DAGLA: variants seen among roughly 807,000 people sequenced by gnomAD.
DAGLA encodes diacylglycerol lipase-alpha.
DAGLA carries 22 observed loss-of-function variants against 102.6 expected under a neutral mutation model. The observed-to-expected ratio is 0.21, with a 90% confidence interval of 0.15 to 0.31. The LOEUF is 0.31. Among genes scored for constraint, DAGLA ranks in the 10% least tolerant of loss-of-function variants. The pLI is 1.00. For synonymous variants in DAGLA, 578 were observed against 628.9 expected, an observed-to-expected ratio of 0.92 and a Z score of 1.21; for missense variants, 927 against 1,446.6, an observed-to-expected ratio of 0.64 and a Z score of 5.83.
At chr11:61,702,669 T>A (rs1046578144) in intron 1 of DAGLA, among the ~76,000 whole-genome samples, 7 of 152,232 alleles carry the variant, frequency 4.6e-5, no homozygotes, top group African/African-American at 1.7e-4. Context: ...GGCTTCAGTC[T>A]CCTGGCTGCA....
chr11:61,739,691 G>C (rs754914470), intron 17 of DAGLA, 30 bp downstream of exon 17: 1 of 1,606,274 alleles, frequency 6.2e-7, no homozygotes, highest in Non-Finnish European at 8.5e-7. Context: ...GCTGCTGCAG[G>C]GGGTAGTGGC....
intron 17 of DAGLA, among the ~76,000 whole-genome samples, 196 bp downstream of exon 17, chr11:61,739,857 C>T (rs1163046343): frequency 2.0e-5 from 3 of 152,216 alleles, no homozygotes; most frequent in South Asian, 2.1e-4. Context: ...CTGAGCAGGA[C>T]TCCAGGCGTC....
At chr11:61,682,662 G>A (rs2064952212) in intron 1 of DAGLA, among the ~76,000 whole-genome samples, 1 of 152,230 alleles carries the variant, frequency 6.6e-6, no homozygotes, top group Non-Finnish European at 1.5e-5. Flanking sequence ...GGAAGACTTG[G>A]GAAGTGTGTG....
intron 15 of DAGLA, 86 bp downstream of exon 15, chr11:61,737,841 C>A (rs2135602136): frequency 8.5e-7 from 1 of 1,173,068 alleles, no homozygotes; most frequent in Non-Finnish European, 1.3e-6. Context: ...CCCCGCATCT[C>A]TCTCAGTCCG....
intron 6 of DAGLA, 150 bp from the exon 7 acceptor site, chr11:61,728,003 G>A: frequency 2.3e-6 from 2 of 854,942 alleles, no homozygotes; most frequent in Non-Finnish European, 3.7e-6. Context: ...GGCTCAGTGG[G>A]CGCTGTGGAG....
rs2065514240 is a variant in DAGLA at position 61,744,240 on chromosome 11, C to T, written c.2880C>T (p.Leu960=). 2 of 1,613,124 alleles carry T rather than the reference C, an allele frequency of 1.2e-6. No homozygotes were observed. The highest frequency in any genetic ancestry group is 1.7e-6 in the Non-Finnish European group (2 of 1,179,982). Residue 960 remains leucine (L), a synonymous_variant, in exon 20 of 20, where the codon CTC becomes CTT. Transcript: ENST00000257215. ...CCCCCAGCCAGCAAGAGATCCTGCT[C>T]CGTGCCCAGTTCGAGCCCAACCTGG... ...PKSPSQQEIL[L]RAQFEPNLVP...
rs770793670 is a variant in DAGLA, at chr11:61,743,622, G to A, written c.2262G>A (p.Pro754=). ...TTGCGGCGGCGGCCCGCCAGGACCC[G>A]GTGGAGCTGCTGCTGCTGTCTACCC... ...PVVAAAARQD[P]VELLLLSTQE... The change falls in exon 20 of 20, where the codon CCG becomes CCA. Residue 754 remains proline (P), a synonymous_variant. Transcript: ENST00000257215. The A allele has an allele frequency of 1.9e-5, 31 of 1,592,234 alleles. No individual in the cohort carries two copies. In the African/African-American group the frequency reaches 2.7e-4, roughly 14 times the overall value.
At chr11:61,702,099 A>G (rs1056023392) in intron 1 of DAGLA, among the ~76,000 whole-genome samples, 2 of 152,032 alleles carry the variant, frequency 1.3e-5, no homozygotes, top group African/African-American at 2.4e-5. Context: ...TTTTTTTTGT[A>G]AAAATGGGTT....
In DAGLA at chr11:61,734,885, T is replaced by A. The variant is rs781671163; in HGVS notation, c.1011T>A (p.Pro337=). 6.2e-7 allele frequency: 1 copy of A among 1,614,080 alleles called. No individual in the cohort carries two copies. Among genetic ancestry groups the A allele is most frequent in the Non-Finnish European group, 8.5e-7 (1 of 1,179,950 alleles). ...GTCCTGCGAGGCCGCGGTTCGCCCC[T>A]GGAGTCACCATCGAGGAAGACAACT... ...CLCPARPRFA[P]GVTIEEDNCC... is the part of the protein sequence containing the mutation. The change falls in exon 10 of 20, where the codon CCT becomes CCA. Residue 337 remains proline (P), a synonymous_variant. Coordinates refer to ENST00000257215, the MANE Select transcript of DAGLA (RefSeq NM_006133.3). This position sits in a 1 kb window ranked among gnomAD's most constrained non-coding sequence, Gnocchi z 4.2.
Position 61,702,353 on chromosome 11 carries a change from C to T in DAGLA, c.-44-17759C>T, listed in dbSNP as rs558736680. 4.6e-5 allele frequency among the ~76,000 whole-genome samples: 7 copies of T among 152,330 alleles called. No individual in the cohort carries two copies. In the East Asian group the frequency reaches 1.3e-3, roughly 29 times the overall value. Reference sequence around the variant, plus strand: ...CATGGTGTGCAAATTCCTGGCCTCTCTACCTCCAGGACAATGTTGGGGCCC... The same window carrying T: ...CATGGTGTGCAAATTCCTGGCCTCTTTACCTCCAGGACAATGTTGGGGCCC... On this transcript the variant is annotated intron_variant, in intron 1 of 19. Transcript: ENST00000257215.
chr11:61,703,331 T>C (rs1333237197), intron 1 of DAGLA, among the ~76,000 whole-genome samples: 1 of 152,028 alleles, frequency 6.6e-6, no homozygotes, highest in Non-Finnish European at 1.5e-5. Context: ...AACTGAGTCC[T>C]ATGATGGGGG....
Position 61,720,263 on chromosome 11 carries a change from G to A in DAGLA, c.95+13G>A. The A allele has an allele frequency of 6.2e-7, 1 of 1,612,014 alleles. No individual in the cohort carries two copies. Among genetic ancestry groups the A allele is most frequent in the Non-Finnish European group, 8.5e-7 (1 of 1,178,644 alleles). On this transcript the variant is annotated intron_variant, in intron 2 of 19. Transcript: ENST00000257215. The stretch of plus-strand genomic sequence containing the variant: ...TGCATACCACCTGGTGAGTCCCCAG[G>A]CCCGGGGCCACAGGCCTGGGTTTGG...
chr11:61,719,247 A>G (rs1461042439), intron 1 of DAGLA, among the ~76,000 whole-genome samples: 1 of 152,190 alleles, frequency 6.6e-6, no homozygotes, highest in African/African-American at 2.4e-5. Context: ...GAATTCAGCT[A>G]CTTCAGAGAG....
In DAGLA at chr11:61,717,475, C is replaced by G. The variant is rs558373487; in HGVS notation, c.-44-2637C>G. Among the ~76,000 whole-genome samples, 5 of 152,324 alleles carry G rather than the reference C, an allele frequency of 3.3e-5. No homozygotes were observed. In the South Asian group the frequency reaches 1.0e-3, roughly 32 times the overall value. ...GTTCCTTGCACTCCCTCCGCCTCGC[C>G]CGCCCCAGCTAAGACAGCTAGAGCC... On this transcript the variant is annotated intron_variant, in intron 1 of 19. Transcript: ENST00000257215.
At chr11:61,741,081 CTGGGCCCTGGCTCCACATCGGCCCCACGA>C (rs2135609245) in intron 18 of DAGLA, 52 bp from the exon 19 acceptor site, 2 of 1,387,274 alleles carry the variant, frequency 1.4e-6, no homozygotes, top group East Asian at 4.6e-5. Context: ...CCTGAGAGGC[CTGGGCCCTGGCTCCACATCGGCCCCACGA>C]TGGGGCCTGA....
Position 61,684,221 on chromosome 11 carries a change from A to G in DAGLA, c.-45+3717A>G, listed in dbSNP as rs371480875. ...GTTGGCCCATCACTCTGTGATTTCA[A>G]TTTCTCACCGGAATAGCTTTACATT... is the stretch of plus-strand genomic sequence containing the variant. On this transcript the variant is annotated intron_variant, in intron 1 of 19. Transcript: ENST00000257215. This position sits in a 1 kb window ranked among gnomAD's most constrained non-coding sequence, Gnocchi z 4.5. Among the ~76,000 whole-genome samples the G allele has an allele frequency of 1.3e-5, 2 of 152,198 alleles. No individual in the cohort carries two copies. The highest frequency in any genetic ancestry group is 2.9e-5 in the Non-Finnish European group (2 of 68,036).
chr11:61,684,776 G>A lies in DAGLA; in HGVS notation c.-45+4272G>A, dbSNP rs1465167233. Among the ~76,000 whole-genome samples the A allele has an allele frequency of 5.9e-5, 9 of 151,820 alleles. No individual in the cohort carries two copies. The highest frequency in any genetic ancestry group is 1.0e-4 in the Non-Finnish European group (7 of 67,934). On this transcript the variant is annotated intron_variant, in intron 1 of 19. Transcript: ENST00000257215. This position sits in a 1 kb window ranked among gnomAD's most constrained non-coding sequence, Gnocchi z 4.5. ...GGAGCGCCTGGTGGTGTGGGAGCGC[G>A]CAGGCTCCCGTGTCTGGCTGGCCTG...
Position 61,744,156 on chromosome 11 carries a change from C to A in DAGLA, c.2796C>A (p.Asp932Glu). 1.2e-6 allele frequency: 2 copies of A among 1,613,094 alleles called. No homozygotes were observed. Among genetic ancestry groups the A allele is most frequent in the Non-Finnish European group, 1.7e-6 (2 of 1,179,990 alleles). ...ACAGCAAGAGCAGCTCCTTCCAAGA[C>A]CTCTACTGCATGGTGGTGCCCGAGA... ...NLDSKSSSFQDLYCMVVPESP... is the reference protein window; with the variant it reads ...NLDSKSSSFQELYCMVVPESP... Residue 932 changes from aspartate (D) to glutamate (E), a missense_variant, in exon 20 of 20, where the codon GAC (aspartate) becomes GAA (glutamate). Physicochemically the swap from Asp to Glu is conservative, Grantham distance 45. Transcript: ENST00000257215.
chr11:61,737,101 C>A, intron 13 of DAGLA, 81 bp from the exon 14 acceptor site: 1 of 1,578,372 alleles, frequency 6.3e-7, no homozygotes, highest in African/African-American at 1.3e-5. Context: ...GATGGGAAGA[C>A]CCTCTGCCTC....
Sources: allele counts gnomAD v4.1 joint callset (sites outside exome capture counted in the v4.1 genomes callset), GRCh38; gene constraint gnomAD v4.1.1; non-coding constraint Gnocchi (gnomAD v3.1); transcripts MANE v1.5; gene names NCBI Gene and HGNC (gene_info 2026-07-23, HGNC 2026-07-21).